The following MVB12B variants were observed in gnomAD, a reference collection of about 807,000 sequenced individuals.
The protein encoded by MVB12B is multivesicular body subunit 12B.
MVB12B carries 16 observed loss-of-function variants against 41.6 expected under a neutral mutation model. The observed-to-expected ratio is 0.38, with a 90% CI of 0.26 to 0.58. MVB12B has a LOEUF of 0.58. MVB12B is among the 20% of genes least tolerant of loss of function. The pLI is 0.62. For synonymous variants in MVB12B, 133 were observed against 139.7 expected, an observed-to-expected ratio of 0.95 and a Z score of 0.34; for missense variants, 274 against 380.2, an observed-to-expected ratio of 0.72 and a Z score of 2.32.
intron 3 of MVB12B, among the ~76,000 whole-genome samples, chr9:126,385,336 T>G (rs1302002940): frequency 1.3e-5 from 2 of 152,034 alleles, no homozygotes; most frequent in East Asian, 3.9e-4. Context: ...AATAACCCCA[T>G]AAATTGATAG....
chr9:126,361,515 C>T (rs772855811), intron 2 of MVB12B, among the ~76,000 whole-genome samples: 1 of 151,988 alleles, frequency 6.6e-6, no homozygotes, highest in Non-Finnish European at 1.5e-5. Flanking sequence ...ATTTCTAGTG[C>T]TCTTCATTGT....
In MVB12B at chr9:126,391,105, G is replaced by T. The variant is rs2118994194; in HGVS notation, c.410-961G>T. Among the ~76,000 whole-genome samples the T allele has an allele frequency of 6.6e-6, 1 of 152,294 alleles. No homozygotes were observed. The highest frequency in any genetic ancestry group is 1.9e-4 in the East Asian group (1 of 5,180). The stretch of plus-strand genomic sequence containing the variant: ...GGGAACTGTGTGACCGAGGTCCTGG[G>T]CCGACGCCAGCAGAGCTCAGCAAGA... On this transcript the variant is annotated intron_variant, in intron 4 of 9. Transcript: ENST00000361171. The surrounding 1 kb of genome is among the most constrained non-coding windows in gnomAD (Gnocchi z 4.4).
chr9:126,343,012 C>A (rs1829490599), intron 2 of MVB12B, among the ~76,000 whole-genome samples: 2 of 152,222 alleles, frequency 1.3e-5, no homozygotes, highest in South Asian at 4.1e-4. Context: ...GCGAGTTAGG[C>A]ACCAGATGGA....
chr9:126,344,741 A>G (rs773569155), intron 2 of MVB12B, among the ~76,000 whole-genome samples: 1 of 152,204 alleles, frequency 6.6e-6, no homozygotes, highest in African/African-American at 2.4e-5. Flanking sequence ...TATTTCTTAC[A>G]GGTCTGGAGG....
intron 7 of MVB12B, among the ~76,000 whole-genome samples, chr9:126,431,347 G>C (rs1832326911): frequency 6.6e-6 from 1 of 152,300 alleles, no homozygotes. Context: ...TGATGGCTTG[G>C]GGGCAGGAAG....
intron 4 of MVB12B, among the ~76,000 whole-genome samples, chr9:126,390,969 A>G (rs1374257114): frequency 6.6e-5 from 10 of 151,270 alleles, no homozygotes; most frequent in Non-Finnish European, 2.9e-5. Flanking sequence ...AAAAAAAAAA[A>G]GAGCAGAAGG....
At chr9:126,485,701 G>C (rs1035739187) in intron 9 of MVB12B, among the ~76,000 whole-genome samples, 1 of 152,156 alleles carries the variant, frequency 6.6e-6, no homozygotes, top group Non-Finnish European at 1.5e-5. Flanking sequence ...CTTCCACTGT[G>C]CTTCATAAGC....
At chr9:126,406,660 T>A (rs1831437346) in intron 6 of MVB12B, among the ~76,000 whole-genome samples, 1 of 152,248 alleles carries the variant, frequency 6.6e-6, no homozygotes, top group Non-Finnish European at 1.5e-5. Flanking sequence ...TCATCTGGAA[T>A]GGAAGTGTGG....
chr9:126,487,345 G>T (rs998109564), intron 9 of MVB12B, among the ~76,000 whole-genome samples: 1 of 152,176 alleles, frequency 6.6e-6, no homozygotes, highest in Non-Finnish European at 1.5e-5. Context: ...ACAGAGAAGG[G>T]CGTGAGTCGG....
At position 126,473,402 on chromosome 9, in the gene MVB12B, C is replaced by T. The variant is rs1213702598; in HGVS notation, c.758-7967C>T. ...CTTGCAAGTGGTGTATTAGTTCATT[C>T]TTGCGTTACTATAAAGAAATACCTG... On this transcript the variant is annotated intron_variant, in intron 7 of 9. Coordinates refer to ENST00000361171, the MANE Select transcript of MVB12B (RefSeq NM_033446.3). The surrounding 1 kb of genome is among the most constrained non-coding windows in gnomAD (Gnocchi z 4.0). Among the ~76,000 whole-genome samples, 1 of 152,202 alleles carries T rather than the reference C, an allele frequency of 6.6e-6. No homozygotes were observed. Among genetic ancestry groups the T allele is most frequent in the African/African-American group, 2.4e-5 (1 of 41,440 alleles).
At chr9:126,443,928 T>G (rs546656027) in intron 7 of MVB12B, among the ~76,000 whole-genome samples, 4 of 152,258 alleles carry the variant, frequency 2.6e-5, no homozygotes. Context: ...AGTGCTATCA[T>G]ATACATGGAC....
chr9:126,408,539 C>T (rs530909046), intron 6 of MVB12B: 1 of 152,042 alleles, frequency 6.6e-6, no homozygotes, highest in African/African-American at 2.4e-5. Context: ...GCAAATGGAG[C>T]CTTTTCCACA....
chr9:126,437,519 A>G (rs1326477775), intron 7 of MVB12B, among the ~76,000 whole-genome samples: 1 of 152,260 alleles, frequency 6.6e-6, no homozygotes, highest in African/African-American at 2.4e-5. Context: ...ATTATAGCTT[A>G]TGAAGTGACA....
chr9:126,435,898 C>CG (rs1832465860), intron 7 of MVB12B, among the ~76,000 whole-genome samples: 1 of 152,192 alleles, frequency 6.6e-6, no homozygotes, highest in African/African-American at 2.4e-5. Context: ...GCTGTAGATG[C>CG]GGGGGGACTG....
rs760595209 is a variant in MVB12B at position 126,468,440 on chromosome 9, G to A, written c.758-12929G>A. On this transcript the variant is annotated intron_variant, in intron 7 of 9. Coordinates refer to ENST00000361171, the MANE Select transcript of MVB12B (RefSeq NM_033446.3). This position sits in a 1 kb window ranked among gnomAD's most constrained non-coding sequence, Gnocchi z 4.3. ...ACGAGTTCATCTCTGCTGCTTTTCC[G>A]CTGGCCCCCACGCCCCGTCAGTACC... 1.3e-4 allele frequency among the ~76,000 whole-genome samples: 20 copies of A among 152,094 alleles called. No homozygotes were observed. Among genetic ancestry groups the A allele is most frequent in the Non-Finnish European group, 1.5e-4 (10 of 68,020 alleles).
chr9:126,360,572 T>C (rs1830003586), intron 2 of MVB12B, among the ~76,000 whole-genome samples: 2 of 152,240 alleles, frequency 1.3e-5, no homozygotes, highest in Admixed American at 1.3e-4. Context: ...TTGAGTGTCC[T>C]ACAGATGTCA....
chr9:126,355,863 C>G (rs1023842146), intron 2 of MVB12B, among the ~76,000 whole-genome samples: 7 of 152,136 alleles, frequency 4.6e-5, no homozygotes, highest in African/African-American at 1.7e-4. Context: ...TAATGTTGAA[C>G]AACCACCACC....
chr9:126,384,566 T>C (rs1271532925), intron 3 of MVB12B, among the ~76,000 whole-genome samples: 1 of 152,186 alleles, frequency 6.6e-6, no homozygotes, highest in Non-Finnish European at 1.5e-5. Context: ...TCTTCCTCTG[T>C]CGCCCAGGCT....
chr9:126,370,368 TG>T (rs1055585843), intron 2 of MVB12B, among the ~76,000 whole-genome samples: 1 of 148,428 alleles, frequency 6.7e-6, no homozygotes, highest in African/African-American at 2.4e-5. Context: ...TCTTATTGCT[TG>T]GGAGGGGCTC....
Sources: gnomAD v4.1 joint callset for allele counts (sites outside exome capture counted in the v4.1 genomes callset) on GRCh38, gnomAD v4.1.1 for gene constraint, Gnocchi (gnomAD v3.1) non-coding constraint, MANE v1.5 for transcripts, NCBI Gene and HGNC (gene_info 2026-07-23, HGNC 2026-07-21) for gene names.